The following CLIC5 variants were observed in gnomAD, a reference collection of about 807,000 sequenced individuals.
CLIC5 encodes the protein chloride intracellular channel protein 5.
A neutral mutation model predicts 24.7 loss-of-function variants in CLIC5; 20 were observed. The ratio of observed to expected loss-of-function variants is 0.81; its 90% CI spans 0.57 to 1.18. CLIC5 has a LOEUF of 1.18. Among genes scored for constraint, CLIC5 ranks in the 50% most tolerant of loss-of-function variants. CLIC5 has a pLI of 0.00. For missense variants in CLIC5, 341 were observed against 326.1 expected (o/e 1.05, Z -0.35); for synonymous variants, 159 against 135.6 (o/e 1.17, Z -1.20).
intron 6 of CLIC5, among the ~76,000 whole-genome samples, chr6:45,891,819 C>T (rs1762350855): frequency 6.6e-6 from 1 of 152,002 alleles, no homozygotes; most frequent in African/African-American, 2.4e-5. Flanking sequence ...CATGACTTTT[C>T]TTTTACTGTG....
At chr6:46,019,887 CAT>C, upstream of CLIC5, among the ~76,000 whole-genome samples, 1 of 151,414 alleles carries the variant, frequency 6.6e-6, no homozygotes, top group East Asian at 1.9e-4. Context: ...ACCTTAAATG[CAT>C]ATATACTTAA....
chr6:45,925,905 G>A (rs574751134), intron 4 of CLIC5, among the ~76,000 whole-genome samples: 37 of 152,304 alleles, frequency 2.4e-4, no homozygotes, highest in Middle Eastern at 3.4e-3. Flanking sequence ...AGAGCCAAGA[G>A]AGAAGCATAG....
intron 1 of CLIC5, among the ~76,000 whole-genome samples, chr6:45,973,243 T>A (rs1159818180): frequency 6.6e-6 from 1 of 152,142 alleles, no homozygotes; most frequent in Non-Finnish European, 1.5e-5. Context: ...GGTTAAGTTA[T>A]GGAAACATGA....
the CLIC5 span, among the ~76,000 whole-genome samples, chr6:46,085,509 G>A: frequency 6.6e-6 from 1 of 152,206 alleles, no homozygotes; most frequent in African/African-American, 2.4e-5. Flanking sequence ...ACCCTCAGCT[G>A]CAGGTCTGTT....
chr6:46,108,649 T>G, the CLIC5 span, among the ~76,000 whole-genome samples: 1 of 152,124 alleles, frequency 6.6e-6, no homozygotes. Flanking sequence ...CTACCAGCCT[T>G]GACCTCCCAA....
intron 1 of CLIC5, among the ~76,000 whole-genome samples, chr6:46,078,650 C>G (rs1195439266): frequency 2.6e-5 from 4 of 152,164 alleles, no homozygotes; most frequent in South Asian, 4.1e-4. Context: ...CCCTTTCCCC[C>G]CAAATGCTCA....
At chr6:46,101,629 G>A in the CLIC5 span, among the ~76,000 whole-genome samples, 1 of 152,150 alleles carries the variant, frequency 6.6e-6, no homozygotes, top group Non-Finnish European at 1.5e-5. Context: ...TGGAGATTTG[G>A]CTATTATCTC....
Position 46,043,876 on chromosome 6 carries a change from T to C in CLIC5, c.540+35827A>G, listed in dbSNP as rs956692181. Among the ~76,000 whole-genome samples the C allele has an allele frequency of 3.3e-5, 5 of 152,232 alleles. No homozygotes were observed. In the South Asian group the frequency reaches 8.3e-4, roughly 25 times the overall value. On this transcript the variant is annotated intron_variant, in intron 1 of 5. Coordinates refer to the CLIC5 transcript ENST00000185206. ...TTGCAGAGGGCAGCAGAGTTTATCA[T>C]TGCATTCTTAAAAGGAGGGACAGCC... is the stretch of plus-strand genomic sequence containing the variant.
At chr6:46,034,871 A>C (rs1767618059) in intron 1 of CLIC5, among the ~76,000 whole-genome samples, 1 of 152,226 alleles carries the variant, frequency 6.6e-6, no homozygotes, top group Non-Finnish European at 1.5e-5. Flanking sequence ...ATTATAGAGA[A>C]GGGTGACTAC....
At chr6:45,910,505 A>C (rs898914196) in intron 5 of CLIC5, among the ~76,000 whole-genome samples, 4 of 152,218 alleles carry the variant, frequency 2.6e-5, no homozygotes, top group African/African-American at 9.6e-5. Flanking sequence ...TGAAGCTACA[A>C]GAGATTATGT....
chr6:46,063,783 G>C (rs1431204080), intron 1 of CLIC5, among the ~76,000 whole-genome samples: 2 of 152,166 alleles, frequency 1.3e-5, no homozygotes, highest in African/African-American at 4.8e-5. Flanking sequence ...TCCTCGGAAG[G>C]CCATTGCTTC....
the CLIC5 span, among the ~76,000 whole-genome samples, chr6:46,092,502 A>G: frequency 2.0e-5 from 3 of 152,218 alleles, no homozygotes; most frequent in Admixed American, 6.5e-5. Flanking sequence ...TACCTAAGTA[A>G]TAAAGTATCC....
chr6:45,930,730 A>ACAG (rs1197537164), intron 4 of CLIC5, among the ~76,000 whole-genome samples: 3 of 152,330 alleles, frequency 2.0e-5, no homozygotes, highest in Non-Finnish European at 2.9e-5. Flanking sequence ...AGCAGCAGCA[A>ACAG]CAGCAGCAGC....
At chr6:46,058,612 C>G (rs1562029216) in intron 1 of CLIC5, among the ~76,000 whole-genome samples, 1 of 152,206 alleles carries the variant, frequency 6.6e-6, no homozygotes, top group South Asian at 2.1e-4. Context: ...TCTGGAGGGA[C>G]CTGCTGAATC....
chr6:46,087,615 C>T, the CLIC5 span, among the ~76,000 whole-genome samples: 2 of 152,162 alleles, frequency 1.3e-5, no homozygotes, highest in African/African-American at 2.4e-5. Flanking sequence ...CATCCCCTCT[C>T]TGCGGACTCC....
Position 45,909,028 on chromosome 6 carries a change from C to T in CLIC5, c.588+5200G>A, listed in dbSNP as rs56835402. ...GTCACCCCTTTACTATTATGTAATG[C>T]CCTTCTTTGTTCTTTTTTTTTTTTT... On this transcript the variant is annotated intron_variant, in intron 5 of 5. Transcript: ENST00000339561. 3.0e-3 allele frequency among the ~76,000 whole-genome samples: 451 copies of T among 151,078 alleles called. 1 individual carries two copies. The highest frequency in any genetic ancestry group is 9.2e-3 in the African/African-American group (378 of 41,106).
chr6:45,926,399 C>T (rs1763496789), intron 4 of CLIC5, among the ~76,000 whole-genome samples: 1 of 151,356 alleles, frequency 6.6e-6, no homozygotes, highest in Non-Finnish European at 1.5e-5. Flanking sequence ...AGGCACCCGC[C>T]ACCACACCCG....
chr6:45,971,300 G>A (rs1187133083), intron 1 of CLIC5, among the ~76,000 whole-genome samples: 1 of 152,178 alleles, frequency 6.6e-6, no homozygotes, highest in Non-Finnish European at 1.5e-5. Context: ...TGTAATCGTT[G>A]ACAATCAACA....
chr6:45,914,775 A>T (rs538859868), intron 4 of CLIC5, among the ~76,000 whole-genome samples: 1 of 139,864 alleles, frequency 7.1e-6, no homozygotes, highest in South Asian at 2.3e-4. Flanking sequence ...ATATGGTGAA[A>T]CTCCGTCTCT....
Sources: gnomAD v4.1 joint callset for allele counts (sites outside exome capture counted in the v4.1 genomes callset) on GRCh38, gnomAD v4.1.1 for gene constraint, MANE v1.5 for transcripts, NCBI Gene and HGNC (gene_info 2026-07-23, HGNC 2026-07-21) for gene names.